The following SSBP3 variants were observed in gnomAD, a reference collection of about 807,000 sequenced individuals.
SSBP3 encodes the protein single stranded DNA binding protein 3, also known as single-stranded DNA-binding protein 3.
SSBP3 carries 5 observed loss-of-function variants against 69.6 expected under a neutral mutation model. The ratio of observed to expected loss-of-function variants is 0.07; its 90% CI spans 0.04 to 0.15. The LOEUF (loss-of-function observed/expected upper bound fraction) is 0.15, where lower values mean the gene tolerates loss of function less well. Among genes scored for constraint, SSBP3 ranks in the 10% least tolerant of loss-of-function variants. SSBP3 has a pLI of 1.00. For missense variants in SSBP3, 312 were observed against 534.0 expected (o/e 0.58, Z 4.10); for synonymous variants, 196 against 193.4 (o/e 1.01, Z -0.11).
At chr1:54,324,191 G>C (rs1363994637) in intron 4 of SSBP3, among the ~76,000 whole-genome samples, 1 of 152,176 alleles carries the variant, frequency 6.6e-6, no homozygotes, top group Admixed American at 6.5e-5. Flanking sequence ...CTTCCAAAAG[G>C]AGAAAGCCTT....
At position 54,338,589 on chromosome 1, in the gene SSBP3, G is replaced by A. The variant is rs371647344; in HGVS notation, c.277-57062C>T. ...TCACTCTGCGTCCATTTGCCTTTAC[G>A]GCAATATATATACTAAAGGGTATGA... On this transcript the variant is annotated intron_variant, in intron 4 of 17. Coordinates refer to ENST00000610401, the Ensembl canonical transcript of SSBP3. 3.5e-4 allele frequency among the ~76,000 whole-genome samples: 53 copies of A among 152,184 alleles called. 1 individual carries two copies. The highest frequency in any genetic ancestry group is 1.2e-3 in the African/African-American group (48 of 41,504).
At chr1:54,356,235 T>G (rs958208830) in intron 4 of SSBP3, among the ~76,000 whole-genome samples, 7 of 152,008 alleles carry the variant, frequency 4.6e-5, no homozygotes, top group African/African-American at 1.4e-4. Context: ...CTGCTCTAGG[T>G]GCGTTTTTAC....
chr1:54,344,670 C>T (rs960666201), intron 4 of SSBP3, among the ~76,000 whole-genome samples: 5 of 152,030 alleles, frequency 3.3e-5, no homozygotes, highest in Non-Finnish European at 4.4e-5. Flanking sequence ...ATCTTTTTTT[C>T]TGTTTTTGTG....
intron 10 of SSBP3, 39 bp from the exon 11 acceptor site, chr1:54,242,251 C>T (rs375116592): frequency 1.6e-5 from 25 of 1,612,062 alleles, no homozygotes; most frequent in African/African-American, 5.3e-5. Flanking sequence ...ATGAAAAAGG[C>T]GCTGTAAACT....
upstream of SSBP3, among the ~76,000 whole-genome samples, chr1:54,407,602 T>C (rs1649865498): frequency 6.6e-6 from 1 of 152,136 alleles, no homozygotes; most frequent in African/African-American, 2.4e-5. Context: ...TCAGACTGTT[T>C]TTAGAGAGCG....
At chr1:54,322,962 T>C (rs1011461072) in intron 4 of SSBP3, among the ~76,000 whole-genome samples, 1 of 152,190 alleles carries the variant, frequency 6.6e-6, no homozygotes, top group Non-Finnish European at 1.5e-5. Context: ...TGACAAATAA[T>C]AACTCGTACT....
intron 4 of SSBP3, among the ~76,000 whole-genome samples, chr1:54,369,223 G>A (rs112456627): frequency 6.6e-6 from 1 of 150,588 alleles, no homozygotes. Flanking sequence ...TGAGTCGGGG[G>A]GGGGGCCCAA....
chr1:54,253,343 T>C (rs939400140), intron 7 of SSBP3, among the ~76,000 whole-genome samples: 3 of 151,532 alleles, frequency 2.0e-5, no homozygotes, highest in South Asian at 2.1e-4. Flanking sequence ...AGGCACGCGC[T>C]GTCACACCCG....
At chr1:54,292,535 T>C (rs1011831405) in intron 4 of SSBP3, among the ~76,000 whole-genome samples, 2 of 152,096 alleles carry the variant, frequency 1.3e-5, no homozygotes, top group South Asian at 2.1e-4. Flanking sequence ...TCCTGTGTTG[T>C]GAGCGAGGCC....
chr1:54,361,843 G>A (rs1646956913), intron 4 of SSBP3, among the ~76,000 whole-genome samples: 1 of 152,098 alleles, frequency 6.6e-6, no homozygotes, highest in Non-Finnish European at 1.5e-5. Flanking sequence ...TCATTTAATG[G>A]CAAAAGCCCT....
chr1:54,316,046 T>C (rs1646091229), intron 4 of SSBP3, among the ~76,000 whole-genome samples: 1 of 152,194 alleles, frequency 6.6e-6, no homozygotes, highest in South Asian at 2.1e-4. Context: ...GTAATTGCAC[T>C]TCTGGGAATT....
intron 9 of SSBP3, among the ~76,000 whole-genome samples, chr1:54,246,203 A>T (rs1328345740): frequency 1.3e-5 from 2 of 152,188 alleles, no homozygotes; most frequent in Non-Finnish European, 2.9e-5. Context: ...CTGATTTGGG[A>T]CGTCAGCAGC....
At chr1:54,284,231 G>A (rs149392598) in intron 4 of SSBP3, among the ~76,000 whole-genome samples, 41 of 141,410 alleles carry the variant, frequency 2.9e-4, no homozygotes, top group Non-Finnish European at 4.5e-4. Context: ...ACCACCCCCC[G>A]CCTATTAACC....
intron 4 of SSBP3, among the ~76,000 whole-genome samples, chr1:54,380,063 A>G (rs528992825): frequency 1.3e-5 from 2 of 152,264 alleles, no homozygotes; most frequent in South Asian, 2.1e-4. Flanking sequence ...CTGGTCAGAG[A>G]GGAAAATGGA....
intron 1 of SSBP3, 95 bp from the exon 2 acceptor site, chr1:54,405,025 T>C (rs929425057): frequency 1.8e-6 from 2 of 1,130,378 alleles, no homozygotes; most frequent in South Asian, 1.3e-5. Context: ...GAGCCCTGTC[T>C]GCGCCGTCCC....
intron 4 of SSBP3, among the ~76,000 whole-genome samples, chr1:54,300,190 G>A (rs1645776251): frequency 1.3e-5 from 2 of 152,136 alleles, no homozygotes. Context: ...AGCCCTCAAA[G>A]ACCCTCTCCA....
rs1334876884 is a variant in SSBP3, at chr1:54,291,331, G to A, written c.277-9804C>T. On this transcript the variant is annotated intron_variant, in intron 4 of 17. Transcript: ENST00000610401. ...TGTACACAGTCTGACAAGTTCACCC[G>A]GGTCCCCCAATGCCAGGGAAGGGGC... Among the ~76,000 whole-genome samples the A allele has an allele frequency of 2.0e-5, 3 of 152,050 alleles. No individual in the cohort carries two copies. In the South Asian group the frequency reaches 6.2e-4, roughly 32 times the overall value.
At chr1:54,346,909 C>A (rs990117768) in intron 4 of SSBP3, among the ~76,000 whole-genome samples, 12 of 152,058 alleles carry the variant, frequency 7.9e-5, no homozygotes, top group African/African-American at 2.9e-4. Flanking sequence ...CTCACAGATA[C>A]CAAAATCCTC....
chr1:54,310,265 T>C (rs1165839490), intron 4 of SSBP3, among the ~76,000 whole-genome samples: 1 of 152,174 alleles, frequency 6.6e-6, no homozygotes, highest in Non-Finnish European at 1.5e-5. Context: ...TCAGCCAGGC[T>C]TTCTTCTCTC....
Sources: gnomAD v4.1 joint callset for allele counts (sites outside exome capture counted in the v4.1 genomes callset) on GRCh38, gnomAD v4.1.1 for gene constraint, MANE v1.5 for transcripts, NCBI Gene and HGNC (gene_info 2026-07-23, HGNC 2026-07-21) for gene names.